HEATR5A: variants seen among roughly 807,000 people sequenced by gnomAD.
HEATR5A encodes HEAT repeat containing 5A.
Under a neutral mutation model 218.8 loss-of-function variants are expected in HEATR5A, and 178 were observed. The observed-to-expected ratio is 0.81, with a 90% CI of 0.72 to 0.92. The LOEUF (loss-of-function observed/expected upper bound fraction) is 0.92. HEATR5A is among the 40% of genes least tolerant of loss of function. HEATR5A has a pLI of 0.00. For missense variants in HEATR5A, 2,420 were observed against 2,418.9 expected (o/e 1.00, Z -0.01); for synonymous variants, 864 against 871.6 (o/e 0.99, Z 0.15).
chr14:31,379,779 C>T (rs747003617), intron 11 of HEATR5A, among the ~76,000 whole-genome samples: 122 of 152,142 alleles, frequency 8.0e-4, no homozygotes, highest in Non-Finnish European at 1.5e-3. Context: ...CATAGTGAGA[C>T]CCCATCTCTA....
intron 21 of HEATR5A, 44 bp from the exon 22 acceptor site, chr14:31,337,658 T>C: frequency 6.4e-7 from 1 of 1,560,880 alleles, no homozygotes; most frequent in Non-Finnish European, 8.7e-7. Flanking sequence ...AAATTCTTGT[T>C]GGCACTCAGT....
chr14:31,362,625 A>C (rs1166222791), intron 14 of HEATR5A, among the ~76,000 whole-genome samples: 2 of 149,184 alleles, frequency 1.3e-5, no homozygotes, highest in Admixed American at 6.7e-5. Flanking sequence ...AAAAAAAAAA[A>C]AAAAAACTAG....
At chr14:31,350,810 C>A (rs755296957) in intron 16 of HEATR5A, 93 bp from the exon 17 acceptor site, 51 of 724,258 alleles carry the variant, frequency 7.0e-5, no homozygotes, top group Non-Finnish European at 1.1e-4. Flanking sequence ...CGGAGTCTCA[C>A]TCTGTCACCC....
chr14:31,340,528 T>G, intron 21 of HEATR5A: 1 of 1,146,996 alleles, frequency 8.7e-7, no homozygotes, highest in Non-Finnish European at 1.2e-6. Flanking sequence ...AAGATAAATA[T>G]TAGGATGACT....
intron 20 of HEATR5A, 69 bp from the exon 21 acceptor site, chr14:31,344,134 A>G (rs1051792105): frequency 1.2e-5 from 11 of 939,954 alleles, no homozygotes; most frequent in Admixed American, 3.7e-5. Context: ...CATATATTAC[A>G]GGTTTTAAAA....
Position 31,400,104 on chromosome 14 carries a change from G to A in HEATR5A, c.338+197C>T, listed in dbSNP as rs116172860. On this transcript the variant is annotated intron_variant, in intron 3 of 35. Coordinates refer to ENST00000543095, the MANE Select transcript of HEATR5A (RefSeq NM_015473.4). Reference sequence around the variant, plus strand: ...AATCTCAAATCTAGACTTCAAATACGTCTAAAGTATTTGTAGAATTGTTTC... The same window carrying A: ...AATCTCAAATCTAGACTTCAAATACATCTAAAGTATTTGTAGAATTGTTTC... Among the ~76,000 whole-genome samples, 487 of 152,192 alleles carry A rather than the reference G, an allele frequency of 3.2e-3. 5 individuals are homozygous for A. Among genetic ancestry groups the A allele is most frequent in the African/African-American group, 0.011 (464 of 41,526 alleles).
At chr14:31,331,471 C>T (rs1221701180) in intron 22 of HEATR5A, among the ~76,000 whole-genome samples, 1 of 152,186 alleles carries the variant, frequency 6.6e-6, no homozygotes, top group East Asian at 1.9e-4. Flanking sequence ...TTCAACAAGT[C>T]TCTAGAAGTT....
intron 22 of HEATR5A, among the ~76,000 whole-genome samples, chr14:31,336,213 C>CAGAT: frequency 1.1e-5 from 1 of 90,742 alleles, no homozygotes; most frequent in South Asian, 4.1e-4. Context: ...TATATACATA[C>CAGAT]ATACATATAT....
intron 6 of HEATR5A, among the ~76,000 whole-genome samples, chr14:31,393,577 T>C (rs1350407208): frequency 6.6e-6 from 1 of 152,220 alleles, no homozygotes; most frequent in Admixed American, 6.5e-5. Context: ...TCAAGAGTTC[T>C]TGTAAATTTT....
intron 34 of HEATR5A, chr14:31,295,551 C>G (rs1239856664): frequency 6.5e-6 from 1 of 154,968 alleles, no homozygotes; most frequent in African/African-American, 2.5e-5. Flanking sequence ...TGCCTGGCCT[C>G]CCTTTCTTTT....
chr14:31,339,061 A>G (rs1900755576), intron 21 of HEATR5A, among the ~76,000 whole-genome samples: 1 of 151,726 alleles, frequency 6.6e-6, no homozygotes, highest in Non-Finnish European at 1.5e-5. Context: ...TGGAGGTCGC[A>G]GTGAGCCGAG....
intron 27 of HEATR5A, among the ~76,000 whole-genome samples, chr14:31,314,615 G>C (rs570805626): frequency 6.6e-6 from 1 of 152,120 alleles, no homozygotes; most frequent in African/African-American, 2.4e-5. Flanking sequence ...TGCCCAGGCT[G>C]ATCTTGAACT....
At chr14:31,313,428 C>T (rs73257366) in intron 27 of HEATR5A, among the ~76,000 whole-genome samples, 1,789 of 152,152 alleles carry the variant, frequency 0.012, 36 homozygotes, top group African/African-American at 0.041. Context: ...AAATATGATG[C>T]CACTTCTCAC....
At chr14:31,321,036 A>G (rs530943260) in intron 25 of HEATR5A, among the ~76,000 whole-genome samples, 1 of 152,290 alleles carries the variant, frequency 6.6e-6, no homozygotes, top group South Asian at 2.1e-4. Context: ...TGATATCCCA[A>G]TTCGGTTCAT....
At chr14:31,301,123 T>A (rs1481717439) in intron 33 of HEATR5A, among the ~76,000 whole-genome samples, 2 of 152,150 alleles carry the variant, frequency 1.3e-5, no homozygotes, top group Non-Finnish European at 2.9e-5. Context: ...TATGGCAAAT[T>A]GTGACATTTA....
In HEATR5A at chr14:31,350,710, T is replaced by A; in HGVS notation, c.2419A>T (p.Ile807Leu). Reference protein sequence around the residue: ...AHVGETQRLLILEQLLDSIKH... With the variant: ...AHVGETQRLLLLEQLLDSIKH... ...ATACTGTCCAAAAGCTGTTCCAATA[T>A]AAGAAGCCTACAATCAGAAATAACA... Residue 807 changes from isoleucine to leucine, a missense_variant, in exon 17 of 36, where the codon ATA (isoleucine) becomes TTA (leucine). Transcript: ENST00000543095. 1 of 1,512,762 alleles carries A rather than the reference T, an allele frequency of 6.6e-7. No individual in the cohort carries two copies. The highest frequency in any genetic ancestry group is 1.7e-4 in the Middle Eastern group (1 of 5,862). 93.7% of individuals were successfully genotyped at this position (1,512,762 alleles called of 1,614,324 possible).
chr14:31,405,574 A>T (rs1383222474), intron 1 of HEATR5A, among the ~76,000 whole-genome samples: 1 of 152,220 alleles, frequency 6.6e-6, no homozygotes, highest in Non-Finnish European at 1.5e-5. Flanking sequence ...ATTCACAATT[A>T]AGGATACAGT....
Position 31,398,797 on chromosome 14 carries a change from A to C in HEATR5A, c.339-16T>G. The C allele has an allele frequency of 7.4e-7, 1 of 1,357,488 alleles. No individual in the cohort carries two copies. The highest frequency in any genetic ancestry group is 1.0e-6 in the Non-Finnish European group (1 of 986,032). The allele number at this position is 1,357,488 out of a possible 1,614,324, so 84.1% of individuals were successfully genotyped here. On this transcript the variant is annotated splice_polypyrimidine_tract_variant and intron_variant, in intron 3 of 35. Coordinates refer to ENST00000543095, the MANE Select transcript of HEATR5A (RefSeq NM_015473.4). ...CACAGCAGCACTGAAACAACATTTA[A>C]ATTAGAAATTAGTCACAGCTGAAAA...
At chr14:31,390,038 A>C (rs2030388048) in intron 6 of HEATR5A, among the ~76,000 whole-genome samples, 1 of 152,162 alleles carries the variant, frequency 6.6e-6, no homozygotes, top group Non-Finnish European at 1.5e-5. Flanking sequence ...AAATGGTGAC[A>C]TTTTAACACA....
Sources: gnomAD v4.1 joint callset for allele counts (sites outside exome capture counted in the v4.1 genomes callset) on GRCh38, gnomAD v4.1.1 for gene constraint, MANE v1.5 for transcripts, NCBI Gene and HGNC (gene_info 2026-07-23, HGNC 2026-07-21) for gene names.